IDE: variants seen among roughly 807,000 people sequenced by gnomAD.
IDE encodes insulin degrading enzyme.
IDE carries 58 observed loss-of-function variants against 133.2 expected under a neutral mutation model. That is an observed-to-expected ratio of 0.44 (90% CI 0.35 to 0.54). The LOEUF is 0.54. IDE is among the 20% of genes least tolerant of loss of function. IDE has a pLI of 0.00. For synonymous variants in IDE, 396 were observed against 421.3 expected (o/e 0.94, Z 0.73); for missense variants, 981 against 1,234.0 (o/e 0.79, Z 3.07).
chr10:92,548,850 C>T (rs1268849400), intron 1 of IDE, among the ~76,000 whole-genome samples: 1 of 152,162 alleles, frequency 6.6e-6, no homozygotes, highest in Admixed American at 6.5e-5. Context: ...CCAACCCTCG[C>T]TGAGGACATA....
intron 11 of IDE, among the ~76,000 whole-genome samples, chr10:92,500,743 C>T (rs1247711849): frequency 1.3e-5 from 2 of 151,836 alleles, no homozygotes; most frequent in Non-Finnish European, 2.9e-5. Context: ...TAATTCCTCC[C>T]ACATTTGGTG....
chr10:92,519,226 T>C (rs79051738), intron 4 of IDE, among the ~76,000 whole-genome samples: 5,363 of 152,134 alleles, frequency 0.035, 355 homozygotes, highest in African/African-American at 0.12. Flanking sequence ...GCTGAGTAAA[T>C]GGTCCAGATG....
chr10:92,479,638 CGT>C (rs1322835000), intron 14 of IDE: 1 of 446,826 alleles, frequency 2.2e-6, no homozygotes, highest in Non-Finnish European at 4.1e-6. Context: ...TGCATGCGTG[CGT>C]GTGTGCGTGC....
At chr10:92,539,439 C>A (rs776440233) in intron 1 of IDE, among the ~76,000 whole-genome samples, 2 of 152,060 alleles carry the variant, frequency 1.3e-5, no homozygotes, top group Non-Finnish European at 2.9e-5. Context: ...TTGGAAAATT[C>A]AAAAGCAACT....
intron 19 of IDE, among the ~76,000 whole-genome samples, chr10:92,467,444 T>C (rs1436139793): frequency 6.6e-6 from 1 of 152,204 alleles, no homozygotes; most frequent in East Asian, 1.9e-4. Flanking sequence ...AAGATTCACA[T>C]CTGATCAGCT....
At chr10:92,521,773 T>C (rs1849237891) in intron 4 of IDE, among the ~76,000 whole-genome samples, 1 of 152,156 alleles carries the variant, frequency 6.6e-6, no homozygotes. Context: ...TCAAATAAAC[T>C]TTAAAAATAA....
intron 11 of IDE, among the ~76,000 whole-genome samples, chr10:92,492,837 C>T (rs959818216): frequency 2.6e-5 from 4 of 152,188 alleles, no homozygotes; most frequent in Admixed American, 2.6e-4. Context: ...GTCTGAACTA[C>T]TGTCTATTTT....
chr10:92,472,630 T>C (rs1846023788), intron 17 of IDE, among the ~76,000 whole-genome samples: 1 of 151,514 alleles, frequency 6.6e-6, no homozygotes, highest in Non-Finnish European at 1.5e-5. Context: ...TATTAAAACA[T>C]TCAACAGAAT....
chr10:92,555,805 C>G (rs1197771024), intron 1 of IDE, among the ~76,000 whole-genome samples: 3 of 152,198 alleles, frequency 2.0e-5, no homozygotes, highest in African/African-American at 7.2e-5. Context: ...CTTGCCACTT[C>G]TATTCAACAC....
chr10:92,474,760 A>G, intron 17 of IDE, 81 bp downstream of exon 17: 1 of 1,256,426 alleles, frequency 8.0e-7, no homozygotes, highest in Non-Finnish European at 1.1e-6. Context: ...TTAAAAGTAT[A>G]AACAGTCAAT....
intron 4 of IDE, among the ~76,000 whole-genome samples, chr10:92,521,154 A>G (rs113260679): frequency 0.034 from 5,175 of 152,290 alleles, 138 homozygotes; most frequent in Admixed American, 0.058. Flanking sequence ...TAATCAAAAG[A>G]GATGGAATAA....
chr10:92,472,668 G>T (rs1377228990), intron 17 of IDE, among the ~76,000 whole-genome samples: 1 of 146,192 alleles, frequency 6.8e-6, no homozygotes, highest in Non-Finnish European at 1.5e-5. Context: ...TTTTGAGATG[G>T]AATCTCTGTT....
chr10:92,485,552 G>A (rs1249520512), intron 13 of IDE, among the ~76,000 whole-genome samples: 2 of 152,186 alleles, frequency 1.3e-5, no homozygotes, highest in African/African-American at 4.8e-5. Context: ...GCTATGCTAA[G>A]AATGGCTTTA....
Position 92,463,789 on chromosome 10 carries a change from A to C in IDE, c.2703T>G (p.Ser901=). Residue 901 remains serine (S), a synonymous_variant, in exon 21 of 25, where the codon TCT becomes TCG. Coordinates refer to ENST00000265986, the MANE Select transcript of IDE (RefSeq NM_004969.4). ...CTCCCCAGTATTTAGCACACTCAGC[A>C]GATAGCTTCTTTGGTTTGTCTAGTC... ...IRRLDKPKKL[S]AECAKYWGEI... is the part of the protein sequence containing the mutation. 1 of 1,614,176 alleles carries C rather than the reference A, an allele frequency of 6.2e-7. No individual in the cohort carries two copies. Among genetic ancestry groups the C allele is most frequent in the Non-Finnish European group, 8.5e-7 (1 of 1,179,982 alleles).
chr10:92,460,991 C>T (rs1272067620), intron 22 of IDE, among the ~76,000 whole-genome samples, 200 bp downstream of exon 22: 15 of 152,096 alleles, frequency 9.9e-5, no homozygotes, highest in Non-Finnish European at 1.5e-5. Flanking sequence ...CAGGCGTATG[C>T]CACTACGCCC....
chr10:92,485,029 C>A (rs1229047152), intron 13 of IDE, among the ~76,000 whole-genome samples: 1 of 151,704 alleles, frequency 6.6e-6, no homozygotes, highest in Non-Finnish European at 1.5e-5. Flanking sequence ...TCACCCCAGC[C>A]TGGGCAATGG....
intron 15 of IDE, chr10:92,478,694 C>A (rs181611532): frequency 7.8e-7 from 1 of 1,277,708 alleles, no homozygotes; most frequent in African/African-American, 1.5e-5. Flanking sequence ...ACCTGAGAGG[C>A]GTGCTGCATA....
intron 20 of IDE, among the ~76,000 whole-genome samples, chr10:92,464,734 G>C (rs766667008): frequency 8.5e-4 from 130 of 152,176 alleles, no homozygotes; most frequent in Non-Finnish European, 1.3e-3. Context: ...CAAGTGGCAC[G>C]ATCTCCGCTC....
chr10:92,466,248 A>G (rs1172172480), intron 19 of IDE, among the ~76,000 whole-genome samples: 3 of 151,440 alleles, frequency 2.0e-5, no homozygotes, highest in Non-Finnish European at 4.4e-5. Context: ...AAAAAAAAAA[A>G]AAAAGCAGAG....
Sources: gnomAD v4.1 joint callset for allele counts (sites outside exome capture counted in the v4.1 genomes callset) on GRCh38, gnomAD v4.1.1 for gene constraint, MANE v1.5 for transcripts, NCBI Gene and HGNC (gene_info 2026-07-23, HGNC 2026-07-21) for gene names.